The following GALNT10 variants were observed in gnomAD, a reference collection of about 807,000 sequenced individuals.
GALNT10 encodes the protein polypeptide N-acetylgalactosaminyltransferase 10, also known as GalNAc transferase 10.
GALNT10 carries 41 observed loss-of-function variants against 75.0 expected under a neutral mutation model. The ratio of observed to expected loss-of-function variants is 0.55; its 90% CI spans 0.43 to 0.71. The LOEUF is 0.71. GALNT10 is among the 30% of genes least tolerant of loss of function. GALNT10 has a pLI of 0.00. For missense variants in GALNT10, 727 were observed against 818.5 expected (o/e 0.89, Z 1.36); for synonymous variants, 302 against 313.0 (o/e 0.96, Z 0.37).
rs115848050 is a variant in GALNT10 at position 154,314,571 on chromosome 5, T to C, written c.402-15001T>C. Among the ~76,000 whole-genome samples the C allele has an allele frequency of 9.6e-3, 1,457 of 152,174 alleles. 26 individuals carry two copies. The highest frequency in any genetic ancestry group is 0.033 in the African/African-American group (1,370 of 41,518). On this transcript the variant is annotated intron_variant, in intron 3 of 11. Transcript: ENST00000297107. Reference sequence around the variant, plus strand: ...TCCGTATGTGGCCTGGGAATGGTAGTTGGCTTTCTGCCTTGGTCCTCAACC... The same window carrying C: ...TCCGTATGTGGCCTGGGAATGGTAGCTGGCTTTCTGCCTTGGTCCTCAACC...
At chr5:154,205,138 G>C (rs967744484) in intron 1 of GALNT10, among the ~76,000 whole-genome samples, 1 of 152,174 alleles carries the variant, frequency 6.6e-6, no homozygotes, top group Non-Finnish European at 1.5e-5. Flanking sequence ...TGTTCTCATA[G>C]TGGGGGAAGA....
At chr5:154,311,205 A>G (rs954847042) in intron 3 of GALNT10, among the ~76,000 whole-genome samples, 1 of 152,232 alleles carries the variant, frequency 6.6e-6, no homozygotes. Context: ...TTCTCCATTA[A>G]TAACAACATG....
At chr5:154,359,941 A>T (rs1755356938) in intron 4 of GALNT10, among the ~76,000 whole-genome samples, 1 of 151,946 alleles carries the variant, frequency 6.6e-6, no homozygotes, top group African/African-American at 2.4e-5. Flanking sequence ...TATCAAAAAA[A>T]TTTTAATGTG....
At position 154,241,017 on chromosome 5, in the gene GALNT10, T is replaced by G. The variant is rs1022479915; in HGVS notation, c.159+49992T>G. Among the ~76,000 whole-genome samples the G allele has an allele frequency of 3.3e-5, 5 of 152,350 alleles. No homozygotes were observed. The East Asian group carries it at 9.6e-4, about 29-fold the overall frequency. On this transcript the variant is annotated intron_variant, in intron 1 of 11. Coordinates refer to ENST00000297107, the MANE Select transcript of GALNT10 (RefSeq NM_198321.4). The stretch of plus-strand genomic sequence containing the variant: ...TGAGGAGTAGAGCTTAAATGCTCAG[T>G]AAATGGCTGGAGGTGTTGCTTTGAG...
chr5:154,354,420 G>A (rs1035433), intron 4 of GALNT10, among the ~76,000 whole-genome samples: 4,565 of 152,274 alleles, frequency 0.03, 208 homozygotes, highest in African/African-American at 0.1. Flanking sequence ...TTGCAGCATG[G>A]GGGCACTGCT....
At chr5:154,328,442 A>T (rs1296850607) in intron 3 of GALNT10, among the ~76,000 whole-genome samples, 2 of 152,166 alleles carry the variant, frequency 1.3e-5, no homozygotes, top group East Asian at 3.9e-4. Flanking sequence ...TTGGAGAGGA[A>T]TGTGTAATAT....
intron 4 of GALNT10, among the ~76,000 whole-genome samples, chr5:154,334,822 T>C (rs918478715): frequency 2.0e-5 from 3 of 152,214 alleles, no homozygotes; most frequent in Admixed American, 1.3e-4. Context: ...GGAAGGAGTA[T>C]AGACAATGCT....
At chr5:154,345,898 G>A (rs1409206828) in intron 4 of GALNT10, among the ~76,000 whole-genome samples, 1 of 145,334 alleles carries the variant, frequency 6.9e-6, no homozygotes, top group Non-Finnish European at 1.5e-5. Flanking sequence ...ACCCACCTCA[G>A]CCACCCAAAG....
chr5:154,401,312 T>A (rs1048406565), intron 7 of GALNT10, among the ~76,000 whole-genome samples: 4 of 152,194 alleles, frequency 2.6e-5, no homozygotes, highest in Non-Finnish European at 4.4e-5. Context: ...GCCGACCTGA[T>A]CAACTGCCCG....
At chr5:154,284,935 G>A (rs923663943) in intron 1 of GALNT10, among the ~76,000 whole-genome samples, 3 of 152,164 alleles carry the variant, frequency 2.0e-5, no homozygotes, top group Admixed American at 1.3e-4. Context: ...ATATAGTCAA[G>A]TCTAATCTCA....
Position 154,409,442 on chromosome 5 carries a change from A to G in GALNT10, c.1165-99A>G. 1 of 807,798 alleles carries G rather than the reference A, an allele frequency of 1.2e-6. No homozygotes were observed. Among genetic ancestry groups the G allele is most frequent in the Non-Finnish European group, 2.2e-6 (1 of 447,242 alleles). 50.0% of individuals were successfully genotyped at this position (807,798 alleles called of 1,614,324 possible). A position where few individuals can be genotyped will look rare whatever the true frequency, so the allele number is the denominator to read the frequency against. ...TGGGATTTTTGATGGAACATAAAAT[A>G]AGAAGGGTTGACCTCGACCTGCCAG... On this transcript the variant is annotated intron_variant, in intron 8 of 11. Transcript: ENST00000297107. The surrounding 1 kb of genome is among the most constrained non-coding windows in gnomAD (Gnocchi z 4.5).
intron 1 of GALNT10, among the ~76,000 whole-genome samples, chr5:154,195,617 T>C (rs1774925849): frequency 6.6e-6 from 1 of 152,176 alleles, no homozygotes; most frequent in South Asian, 2.1e-4. Flanking sequence ...TCTCCTCAAT[T>C]TGTAGGTATG....
At chr5:154,229,608 C>T (rs1753116943) in intron 1 of GALNT10, among the ~76,000 whole-genome samples, 1 of 152,106 alleles carries the variant, frequency 6.6e-6, no homozygotes, top group Admixed American at 6.5e-5. Flanking sequence ...TGGCGGGTGC[C>T]TGTAGTCCCA....
chr5:154,234,868 C>T (rs1034621664), intron 1 of GALNT10, among the ~76,000 whole-genome samples: 4 of 152,224 alleles, frequency 2.6e-5, no homozygotes, highest in Non-Finnish European at 5.9e-5. Context: ...CTGGACAACA[C>T]TTGAGCAGGA....
chr5:154,339,413 T>A (rs937664098), intron 4 of GALNT10, among the ~76,000 whole-genome samples: 4 of 152,080 alleles, frequency 2.6e-5, no homozygotes, highest in Admixed American at 6.6e-5. Flanking sequence ...TATCAATTAG[T>A]TTATAATGAG....
intron 1 of GALNT10, among the ~76,000 whole-genome samples, chr5:154,217,527 G>A (rs946709355): frequency 2.6e-5 from 4 of 152,152 alleles, no homozygotes; most frequent in Admixed American, 1.3e-4. Flanking sequence ...TTAGTACCGC[G>A]TCCCTGTCTC....
chr5:154,417,042 C>A lies in GALNT10; in HGVS notation c.*70C>A. ...TGCAGACTTCCTCTTTCAAGGGAGG[C>A]AGGGCCCCTGTGGGCACTAGGTGTA... On this transcript the variant is annotated 3_prime_UTR_variant, in exon 12 of 12. Transcript: ENST00000297107. 1 of 1,444,926 alleles carries A rather than the reference C, an allele frequency of 6.9e-7. No homozygotes were observed. Among genetic ancestry groups the A allele is most frequent in the Non-Finnish European group, 9.7e-7 (1 of 1,035,522 alleles). 89.5% of individuals were successfully genotyped at this position (1,444,926 alleles called of 1,614,324 possible). A position where few individuals can be genotyped will look rare whatever the true frequency, so the allele number is the denominator to read the frequency against.
chr5:154,303,841 G>A (rs1178127013), intron 3 of GALNT10, among the ~76,000 whole-genome samples: 1 of 152,194 alleles, frequency 6.6e-6, no homozygotes, highest in Non-Finnish European at 1.5e-5. Context: ...AAAAAGTAGA[G>A]AAACATGACC....
intron 4 of GALNT10, among the ~76,000 whole-genome samples, chr5:154,374,002 A>G (rs559670229): frequency 1.3e-4 from 20 of 152,308 alleles, no homozygotes; most frequent in African/African-American, 4.8e-4. Context: ...GTAATGACCT[A>G]TCAGTTGAAC....
Sources: allele counts gnomAD v4.1 joint callset (sites outside exome capture counted in the v4.1 genomes callset), GRCh38; gene constraint gnomAD v4.1.1; non-coding constraint Gnocchi (gnomAD v3.1); transcripts MANE v1.5; gene names NCBI Gene and HGNC (gene_info 2026-07-23, HGNC 2026-07-21).